The following PLEKHA3 variants were observed in gnomAD, a reference collection of about 807,000 sequenced individuals.
PLEKHA3 encodes pleckstrin homology domain-containing family A member 3.
In PLEKHA3, 19 loss-of-function variants were observed where a neutral mutation model predicts 39.2. The observed-to-expected ratio is 0.48, with a 90% CI of 0.34 to 0.71. The LOEUF (loss-of-function observed/expected upper bound fraction) is 0.71, where lower values mean the gene tolerates loss of function less well. Ranked by LOEUF, PLEKHA3 falls within the 30% of genes least tolerant of loss-of-function variation. PLEKHA3 has a pLI of 0.01. For synonymous variants in PLEKHA3, 97 were observed against 118.6 expected (o/e 0.82, Z 1.18); for missense variants, 253 against 359.5 (o/e 0.70, Z 2.40).
At chr2:178,486,283 G>A (rs867543531) in intron 2 of PLEKHA3, among the ~76,000 whole-genome samples, 13 of 152,284 alleles carry the variant, frequency 8.5e-5, no homozygotes, top group Non-Finnish European at 4.4e-5. Context: ...TGTAATTTTC[G>A]TGAAGGAAGA....
intron 5 of PLEKHA3, among the ~76,000 whole-genome samples, chr2:178,496,600 A>G (rs980628085): frequency 6.6e-6 from 1 of 152,234 alleles, no homozygotes; most frequent in Non-Finnish European, 1.5e-5. Flanking sequence ...GTTTCCTCTG[A>G]GGCAAGCGTA....
intron 1 of PLEKHA3, among the ~76,000 whole-genome samples, chr2:178,483,957 G>A (rs1459409898): frequency 6.6e-6 from 1 of 152,100 alleles, no homozygotes; most frequent in Admixed American, 6.5e-5. Context: ...CACTTCTGTA[G>A]TCCTAACTAC....
chr2:178,487,758 C>G (rs1195565914), intron 2 of PLEKHA3, among the ~76,000 whole-genome samples: 2 of 152,162 alleles, frequency 1.3e-5, no homozygotes, highest in Non-Finnish European at 2.9e-5. Flanking sequence ...ATCTTTTTCA[C>G]AGATAATGCC....
chr2:178,485,499 C>A, intron 1 of PLEKHA3, 142 bp from the exon 2 acceptor site: 5 of 658,458 alleles, frequency 7.6e-6, no homozygotes, highest in Non-Finnish European at 1.4e-5. Context: ...TTTGGTAAGG[C>A]TTGGTGATTG....
intron 1 of PLEKHA3, among the ~76,000 whole-genome samples, chr2:178,483,907 C>T (rs574898717): frequency 1.3e-5 from 2 of 151,982 alleles, no homozygotes; most frequent in Non-Finnish European, 2.9e-5. Flanking sequence ...GATGAGACTT[C>T]GTCTCTATAA....
chr2:178,484,591 T>C (rs1685218849), intron 1 of PLEKHA3, among the ~76,000 whole-genome samples: 1 of 152,240 alleles, frequency 6.6e-6, no homozygotes, highest in African/African-American at 2.4e-5. Context: ...TGTGGCAGGC[T>C]ATGGCAAAAG....
intron 4 of PLEKHA3, among the ~76,000 whole-genome samples, chr2:178,494,908 T>C (rs1685417521): frequency 7.3e-6 from 1 of 136,870 alleles, no homozygotes; most frequent in Admixed American, 7.0e-5. Flanking sequence ...CTTCTCATCT[T>C]TTTTTTTTTT....
At chr2:178,499,790 T>C (rs1337242425) in intron 6 of PLEKHA3, among the ~76,000 whole-genome samples, 1 of 152,196 alleles carries the variant, frequency 6.6e-6, no homozygotes, top group Admixed American at 6.5e-5. Flanking sequence ...CGCTCTGTGA[T>C]GTTTGCACAG....
At chr2:178,482,552 CAAAAAAAAAAA>C (rs557529546) in intron 1 of PLEKHA3, among the ~76,000 whole-genome samples, 1,456 of 89,450 alleles carry the variant, frequency 0.016, 24 homozygotes, top group African/African-American at 0.047. Context: ...GATCCTGTCT[CAAAAAAAAAAA>C]AAAAAAAAGA....
intron 7 of PLEKHA3, among the ~76,000 whole-genome samples, chr2:178,503,257 G>A (rs1457575575): frequency 3.3e-5 from 5 of 151,906 alleles, no homozygotes; most frequent in Non-Finnish European, 5.9e-5. Context: ...GAGGTACCTT[G>A]TCAGCTTTGC....
chr2:178,492,342 C>T (rs1685360526), intron 3 of PLEKHA3, among the ~76,000 whole-genome samples: 2 of 151,344 alleles, frequency 1.3e-5, no homozygotes, highest in Admixed American at 1.3e-4. Flanking sequence ...CCCAAATGTT[C>T]ATTGGTAGAG....
intron 6 of PLEKHA3, among the ~76,000 whole-genome samples, chr2:178,500,374 C>T (rs564490512): frequency 2.0e-5 from 3 of 152,162 alleles, no homozygotes; most frequent in Non-Finnish European, 2.9e-5. Flanking sequence ...AAAATGGAAG[C>T]TTAATCAATT....
intron 3 of PLEKHA3, among the ~76,000 whole-genome samples, chr2:178,491,917 A>C (rs1685353618): frequency 6.6e-6 from 1 of 152,128 alleles, no homozygotes; most frequent in African/African-American, 2.4e-5. Flanking sequence ...CTCGATTTAT[A>C]ACAACCCGCT....
At chr2:178,503,441 A>G (rs1262182025) in intron 7 of PLEKHA3, among the ~76,000 whole-genome samples, 1 of 151,992 alleles carries the variant, frequency 6.6e-6, no homozygotes, top group African/African-American at 2.4e-5. Context: ...GTTAATTAAT[A>G]AAGATTAAAT....
Position 178,504,842 on chromosome 2 carries a change from G to T in PLEKHA3, c.*955G>T, listed in dbSNP as rs1255370116. ...TCAAGATGACTGCTCTATATCACTT[G>T]AGAATGGCATTATTTAATTAAAGAA... On this transcript the variant is annotated 3_prime_UTR_variant, in exon 8 of 8. Coordinates refer to ENST00000234453, the MANE Select transcript of PLEKHA3 (RefSeq NM_019091.4). 2 of 152,326 alleles carry T rather than the reference G, an allele frequency of 1.3e-5. No homozygotes were observed. The highest frequency in any genetic ancestry group is 2.9e-5 in the Non-Finnish European group (2 of 67,854). The allele number at this position is 152,326 out of a possible 1,614,324, so 9.4% of individuals were successfully genotyped here.
intron 1 of PLEKHA3, 56 bp from the exon 2 acceptor site, chr2:178,485,585 A>G (rs553474725): frequency 1.3e-5 from 14 of 1,038,786 alleles, no homozygotes; most frequent in East Asian, 7.2e-5. Flanking sequence ...ACAGTTTTCT[A>G]TGTGGTGAAA....
rs1191575278 is a variant in PLEKHA3, at chr2:178,511,884, T to G, written c.*7997T>G. On this transcript the variant is annotated 3_prime_UTR_variant, in exon 8 of 8. Coordinates refer to ENST00000234453, the MANE Select transcript of PLEKHA3 (RefSeq NM_019091.4). Reference sequence around the variant, plus strand: ...AAATACAGTAACTAATCTAGTATATTTTCATAGGATAGAATTTGCCCTTTC... The same window carrying G: ...AAATACAGTAACTAATCTAGTATATGTTCATAGGATAGAATTTGCCCTTTC... 1 of 152,244 alleles carries G rather than the reference T, an allele frequency of 6.6e-6. No individual in the cohort carries two copies. Among genetic ancestry groups the G allele is most frequent in the East Asian group, 1.9e-4 (1 of 5,198 alleles). 9.4% of individuals were successfully genotyped at this position (152,244 alleles called of 1,614,324 possible). A position where few individuals can be genotyped will look rare whatever the true frequency, so the allele number is the denominator to read the frequency against.
At chr2:178,481,007 C>T (rs1685153843) in intron 1 of PLEKHA3, 98 bp downstream of exon 1, 9 of 1,140,526 alleles carry the variant, frequency 7.9e-6, no homozygotes, top group Non-Finnish European at 4.6e-6. Flanking sequence ...TCCGCGGACC[C>T]TCAGAGCGAA....
In PLEKHA3 at chr2:178,496,779, A is replaced by G. The variant is rs1241189748; in HGVS notation, c.615+1119A>G. On this transcript the variant is annotated intron_variant, in intron 5 of 7. Transcript: ENST00000234453. The stretch of plus-strand genomic sequence containing the variant: ...ACCCAGGCTGGAGTGCAGTGACACC[A>G]TCATAACTCACTGCAGCCTCAAACT... 3.9e-5 allele frequency among the ~76,000 whole-genome samples: 6 copies of G among 152,100 alleles called. No homozygotes were observed. In the East Asian group the frequency reaches 9.7e-4, roughly 24 times the overall value.
Sources: allele counts gnomAD v4.1 joint callset (sites outside exome capture counted in the v4.1 genomes callset), GRCh38; gene constraint gnomAD v4.1.1; transcripts MANE v1.5; gene names NCBI Gene and HGNC (gene_info 2026-07-23, HGNC 2026-07-21).